The following ITSN2 variants were observed in gnomAD, a reference collection of about 807,000 sequenced individuals.
ITSN2 encodes the protein intersectin-2.
In ITSN2, 156 loss-of-function variants were observed where a neutral mutation model predicts 243.7. The observed-to-expected ratio is 0.64, with a 90% CI of 0.56 to 0.73. The LOEUF (loss-of-function observed/expected upper bound fraction) is 0.73, where lower values mean the gene tolerates loss of function less well. Among genes scored for constraint, ITSN2 ranks in the 30% least tolerant of loss-of-function variants. The pLI is 0.00. For missense variants in ITSN2, 1,801 were observed against 1,996.1 expected (o/e 0.90, Z 1.86); for synonymous variants, 703 against 699.9 (o/e 1.00, Z -0.07).
intron 20 of ITSN2, among the ~76,000 whole-genome samples, chr2:24,267,522 C>T (rs1232549374): frequency 6.6e-6 from 1 of 152,052 alleles, no homozygotes; most frequent in East Asian, 1.9e-4. Flanking sequence ...TTCCTACTTT[C>T]CTTTCTACCT....
Position 24,210,037 on chromosome 2 carries a change from A to T in ITSN2, c.4258-4T>A, listed in dbSNP as rs748344879. The T allele has an allele frequency of 6.2e-7, 1 of 1,607,582 alleles. No individual in the cohort carries two copies. Among genetic ancestry groups the T allele is most frequent in the Non-Finnish European group, 8.5e-7 (1 of 1,174,646 alleles). On this transcript the variant is annotated splice_region_variant and splice_polypyrimidine_tract_variant and intron_variant, in intron 34 of 39. Coordinates refer to ENST00000355123, the MANE Select transcript of ITSN2 (RefSeq NM_006277.3). Reference sequence around the variant, plus strand: ...TGAGAGAGTTGAAAATAAGTTGCTTAAAGAGAAAGAAAATTTCACTTTTTA... The same window carrying T: ...TGAGAGAGTTGAAAATAAGTTGCTTTAAGAGAAAGAAAATTTCACTTTTTA...
intron 29 of ITSN2, among the ~76,000 whole-genome samples, chr2:24,227,462 G>T (rs918195473): frequency 1.3e-5 from 2 of 152,068 alleles, no homozygotes; most frequent in Admixed American, 6.5e-5. Flanking sequence ...GCCATAGGTA[G>T]TCTATTAAAA....
Position 24,210,931 on chromosome 2 carries a change from G to C in ITSN2, c.4106C>G (p.Pro1369Arg), listed in dbSNP as rs369978184. The change falls in exon 34 of 40, where the codon CCG becomes CGG. Residue 1369 changes from proline to arginine, a missense_variant. By Grantham distance (103) the Pro-to-Arg change is moderately radical (BLOSUM62 -2). Transcript: ENST00000355123. ...LLIRSILENT[P>R]ESHADHSSLK... Reference sequence around the variant, plus strand: ...GGAGGAATGGTCTGCATGGCTCTCCGGGGTGTTCTCCAGAATCTGGAAAAG... The same window carrying C: ...GGAGGAATGGTCTGCATGGCTCTCCCGGGTGTTCTCCAGAATCTGGAAAAG... 23 of 1,614,064 alleles carry C rather than the reference G, an allele frequency of 1.4e-5. No individual in the cohort carries two copies. Among genetic ancestry groups the C allele is most frequent in the Non-Finnish European group, 1.9e-5 (22 of 1,180,024 alleles).
chr2:24,243,333 G>A (rs1672961201), intron 29 of ITSN2, among the ~76,000 whole-genome samples: 1 of 152,124 alleles, frequency 6.6e-6, no homozygotes, highest in Non-Finnish European at 1.5e-5. Flanking sequence ...AATACCAAAT[G>A]ATGAATTTCT....
intron 34 of ITSN2, 111 bp from the exon 35 acceptor site, chr2:24,210,144 G>A (rs896446207): frequency 1.4e-6 from 1 of 713,670 alleles, no homozygotes; most frequent in African/African-American, 1.8e-5. Flanking sequence ...TTCTAGGTGG[G>A]AATGTGGCTA....
chr2:24,252,285 C>A, intron 25 of ITSN2, 60 bp downstream of exon 25: 2 of 1,182,984 alleles, frequency 1.7e-6, no homozygotes, highest in Admixed American at 2.1e-5. Context: ...TTTTTAATAC[C>A]AAAATAATTT....
In ITSN2 at chr2:24,312,232, G is replaced by A. The variant is rs999374892; in HGVS notation, c.332C>T (p.Pro111Leu). ...CTTACCAAAACGAGCAGAAATTAAT[G>A]GAGAAAACATAGGGGGTTGCTTCAT... Reference protein sequence around the residue: ...PIMKQPPMFSPLISARFGMGS... With the variant: ...PIMKQPPMFSLLISARFGMGS... Residue 111 changes from proline to leucine, a missense_variant, in exon 5 of 40, where the codon CCA becomes CTA. Coordinates refer to ENST00000355123, the MANE Select transcript of ITSN2 (RefSeq NM_006277.3). 2 of 1,609,398 alleles carry A rather than the reference G, an allele frequency of 1.2e-6. No individual in the cohort carries two copies. The highest frequency in any genetic ancestry group is 1.7e-5 in the Admixed American group (1 of 59,500).
intron 8 of ITSN2, among the ~76,000 whole-genome samples, chr2:24,307,687 C>T (rs1321891689): frequency 6.6e-6 from 1 of 152,160 alleles, no homozygotes; most frequent in Non-Finnish European, 1.5e-5. Flanking sequence ...TTTTGCTTGT[C>T]CAATCGATTC....
intron 1 of ITSN2, among the ~76,000 whole-genome samples, chr2:24,340,051 TA>T (rs1048344956): frequency 6.7e-6 from 1 of 149,536 alleles, no homozygotes; most frequent in Non-Finnish European, 1.5e-5. Flanking sequence ...TAAAATAATG[TA>T]AAAAAAAACA....
At chr2:24,287,686 T>C (rs990400866) in intron 15 of ITSN2, among the ~76,000 whole-genome samples, 3 of 152,102 alleles carry the variant, frequency 2.0e-5, no homozygotes, top group African/African-American at 7.2e-5. Flanking sequence ...TGTTCCCACA[T>C]GCTCACTACC....
intron 29 of ITSN2, among the ~76,000 whole-genome samples, chr2:24,244,325 G>C (rs1673089898): frequency 6.6e-6 from 1 of 152,144 alleles, no homozygotes; most frequent in Admixed American, 6.5e-5. Flanking sequence ...CTGCAGAGGG[G>C]AAACTGAAAG....
chr2:24,284,072 C>T (rs1679165832), intron 17 of ITSN2, among the ~76,000 whole-genome samples: 1 of 152,142 alleles, frequency 6.6e-6, no homozygotes, highest in Non-Finnish European at 1.5e-5. Context: ...TATTGCTATC[C>T]ATTTTAGTAC....
intron 20 of ITSN2, among the ~76,000 whole-genome samples, chr2:24,269,047 T>A (rs1677016065): frequency 8.0e-6 from 1 of 125,496 alleles, no homozygotes; most frequent in Admixed American, 9.5e-5. Flanking sequence ...TCCCTAACAT[T>A]AAACTCTCCT....
chr2:24,267,892 T>C (rs894886708), intron 20 of ITSN2, among the ~76,000 whole-genome samples: 7 of 152,220 alleles, frequency 4.6e-5, no homozygotes, highest in African/African-American at 1.7e-4. Context: ...GATACACTTT[T>C]TCCTAGTGTT....
chr2:24,291,011 CA>C (rs1399942106), intron 15 of ITSN2, among the ~76,000 whole-genome samples: 1 of 151,684 alleles, frequency 6.6e-6, no homozygotes, highest in Non-Finnish European at 1.5e-5. Flanking sequence ...TTAAGAAACC[CA>C]AAAAGAACTG....
intron 8 of ITSN2, among the ~76,000 whole-genome samples, chr2:24,306,788 G>A (rs1030570650): frequency 2.4e-4 from 36 of 151,984 alleles, no homozygotes; most frequent in African/African-American, 7.7e-4. Context: ...GGCACATGCC[G>A]CTATGCCTAG....
chr2:24,235,257 A>C lies in ITSN2; in HGVS notation c.3577+10872T>G, dbSNP rs1672023377. 2.0e-5 allele frequency among the ~76,000 whole-genome samples: 3 copies of C among 152,204 alleles called. No homozygotes were observed. In the South Asian group the frequency reaches 6.2e-4, roughly 31 times the overall value. ...AAAAGGCTATGTACTGTGTGATTCC[A>C]ATCATATGATATTCTGGGAAGGGCA... On this transcript the variant is annotated intron_variant, in intron 29 of 39. Coordinates refer to ENST00000355123, the MANE Select transcript of ITSN2 (RefSeq NM_006277.3).
At chr2:24,242,877 C>A (rs1251325703) in intron 29 of ITSN2, among the ~76,000 whole-genome samples, 1 of 152,006 alleles carries the variant, frequency 6.6e-6, no homozygotes, top group African/African-American at 2.4e-5. Flanking sequence ...CTAAAAAAAA[C>A]CCACATATAC....
At chr2:24,329,563 T>A (rs2246186) in intron 1 of ITSN2, among the ~76,000 whole-genome samples, 1 of 152,152 alleles carries the variant, frequency 6.6e-6, no homozygotes, top group African/African-American at 2.4e-5. Flanking sequence ...CACTGTGTCC[T>A]GCCCGTTCCA....
Sources: allele counts gnomAD v4.1 joint callset (sites outside exome capture counted in the v4.1 genomes callset), GRCh38; gene constraint gnomAD v4.1.1; transcripts MANE v1.5; gene names NCBI Gene and HGNC (gene_info 2026-07-23, HGNC 2026-07-21).